TMEM132D: variants seen among roughly 807,000 people sequenced by gnomAD.
TMEM132D encodes the protein mature OL transmembrane protein.
Under a neutral mutation model 62.3 loss-of-function variants are expected in TMEM132D, and 21 were observed. The observed-to-expected ratio is 0.34, with a 90% CI of 0.24 to 0.49. The LOEUF (loss-of-function observed/expected upper bound fraction) is 0.49, where lower values mean the gene tolerates loss of function less well. TMEM132D is among the 20% of genes least tolerant of loss of function. The probability of loss-of-function intolerance (pLI) is 0.99; values close to 1 mark genes in which losing one functional copy is unlikely to be tolerated. For missense variants in TMEM132D, 1,346 were observed against 1,402.8 expected, an observed-to-expected ratio of 0.96 and a Z score of 0.65; for synonymous variants, 621 against 575.6, an observed-to-expected ratio of 1.08 and a Z score of -1.13.
At chr12:129,423,384 T>C (rs1007675172) in intron 3 of TMEM132D, among the ~76,000 whole-genome samples, 6 of 152,164 alleles carry the variant, frequency 3.9e-5, no homozygotes, top group Non-Finnish European at 8.8e-5. Flanking sequence ...TGCACTGCCT[T>C]GTCAGAGGAA....
intron 1 of TMEM132D, among the ~76,000 whole-genome samples, chr12:129,710,300 A>G (rs1828424): frequency 0.28 from 42,148 of 151,610 alleles, 7,028 homozygotes; most frequent in Non-Finnish European, 0.38. Context: ...TTATTTATTT[A>G]TTTATTTATT....
chr12:129,559,620 C>T (rs1877158924), intron 2 of TMEM132D, among the ~76,000 whole-genome samples: 3 of 152,116 alleles, frequency 2.0e-5, no homozygotes, highest in Non-Finnish European at 4.4e-5. Flanking sequence ...AATTTCATTC[C>T]TCTTCATCTA....
At chr12:129,630,906 G>A (rs1879331384) in intron 2 of TMEM132D, among the ~76,000 whole-genome samples, 2 of 151,964 alleles carry the variant, frequency 1.3e-5, no homozygotes, top group South Asian at 4.2e-4. Flanking sequence ...CCCTCTTTGT[G>A]TCCATGAGTC....
intron 3 of TMEM132D, among the ~76,000 whole-genome samples, chr12:129,366,327 C>T (rs1870412685): frequency 6.6e-6 from 1 of 152,176 alleles, no homozygotes; most frequent in African/African-American, 2.4e-5. Context: ...GAACCATCCC[C>T]TTGGCACTGT....
chr12:129,321,236 T>C (rs1361898573), intron 4 of TMEM132D, among the ~76,000 whole-genome samples: 1 of 152,198 alleles, frequency 6.6e-6, no homozygotes, highest in African/African-American at 2.4e-5. Context: ...GGAAAATTCA[T>C]AGGCTGTTTT....
intron 3 of TMEM132D, among the ~76,000 whole-genome samples, chr12:129,460,732 T>C (rs1403812990): frequency 6.6e-6 from 1 of 152,214 alleles, no homozygotes; most frequent in Non-Finnish European, 1.5e-5. Context: ...CAGAGTGCTA[T>C]ATATGACATG....
chr12:129,366,956 G>A (rs1013448558), intron 3 of TMEM132D, among the ~76,000 whole-genome samples: 8 of 152,194 alleles, frequency 5.3e-5, no homozygotes, highest in Admixed American at 3.9e-4. Context: ...GCTCACAAAA[G>A]AGCTGCAGTC....
intron 3 of TMEM132D, among the ~76,000 whole-genome samples, chr12:129,441,200 A>G (rs981432049): frequency 6.6e-6 from 1 of 152,200 alleles, no homozygotes; most frequent in Non-Finnish European, 1.5e-5. Context: ...ACAACCTCTC[A>G]CCTGAGGTTT....
At chr12:129,847,436 C>A (rs1162813168) in intron 1 of TMEM132D, among the ~76,000 whole-genome samples, 1 of 152,184 alleles carries the variant, frequency 6.6e-6, no homozygotes, top group East Asian at 1.9e-4. Context: ...CAGGTTTTTA[C>A]CCTCAGTCTT....
chr12:129,245,182 C>A (rs1444435321), intron 4 of TMEM132D, among the ~76,000 whole-genome samples: 3 of 152,202 alleles, frequency 2.0e-5, no homozygotes, highest in Non-Finnish European at 2.9e-5. Context: ...AACAGTCTCA[C>A]TGCCGTAAAA....
At chr12:129,647,243 G>GTTTTTTTTT (rs57450911) in intron 2 of TMEM132D, among the ~76,000 whole-genome samples, 6 of 117,584 alleles carry the variant, frequency 5.1e-5, no homozygotes, top group South Asian at 2.9e-4. Flanking sequence ...TTGTTTTTCT[G>GTTTTTTTTT]TTTTTTTTTT....
intron 5 of TMEM132D, among the ~76,000 whole-genome samples, chr12:129,168,783 G>A (rs1030538547): frequency 2.0e-5 from 3 of 152,268 alleles, no homozygotes; most frequent in African/African-American, 7.2e-5. Context: ...GAACCCAAAA[G>A]GTATCCAGAT....
intron 2 of TMEM132D, among the ~76,000 whole-genome samples, chr12:129,694,156 G>T (rs1881137263): frequency 6.6e-6 from 1 of 152,190 alleles, no homozygotes; most frequent in Non-Finnish European, 1.5e-5. Context: ...GCAAGAACTG[G>T]GGTCTCACAG....
At chr12:129,735,124 C>A (rs1869383371) in intron 1 of TMEM132D, among the ~76,000 whole-genome samples, 1 of 152,168 alleles carries the variant, frequency 6.6e-6, no homozygotes, top group Non-Finnish European at 1.5e-5. Flanking sequence ...TTCAGAGCAA[C>A]TGTTTGGACA....
chr12:129,609,651 T>C (rs1376573902), intron 2 of TMEM132D, among the ~76,000 whole-genome samples: 2 of 152,112 alleles, frequency 1.3e-5, no homozygotes, highest in East Asian at 1.9e-4. Flanking sequence ...ACTACGTTGT[T>C]CATGCTCTGG....
intron 3 of TMEM132D, among the ~76,000 whole-genome samples, chr12:129,501,749 G>A (rs756460209): frequency 5.9e-5 from 9 of 152,024 alleles, no homozygotes; most frequent in African/African-American, 9.6e-5. Flanking sequence ...TACCCAATCC[G>A]CTCACCTCGG....
intron 3 of TMEM132D, among the ~76,000 whole-genome samples, chr12:129,513,566 G>C (rs970414630): frequency 6.6e-6 from 1 of 151,818 alleles, no homozygotes; most frequent in Non-Finnish European, 1.5e-5. Flanking sequence ...CTCACTGCAA[G>C]CTTCGCCTCC....
chr12:129,842,362 G>C (rs1037102049), intron 1 of TMEM132D, among the ~76,000 whole-genome samples: 3 of 152,074 alleles, frequency 2.0e-5, no homozygotes, highest in African/African-American at 4.8e-5. Context: ...TTTAAACGCT[G>C]GCATTCAATA....
At chr12:129,445,288 C>A (rs866239176) in intron 3 of TMEM132D, among the ~76,000 whole-genome samples, 42 of 152,126 alleles carry the variant, frequency 2.8e-4, no homozygotes, top group African/African-American at 9.4e-4. Flanking sequence ...AAGAGGGGAA[C>A]AACACGCTGG....
Sources: gnomAD v4.1 joint callset for allele counts (sites outside exome capture counted in the v4.1 genomes callset) on GRCh38, gnomAD v4.1.1 for gene constraint, MANE v1.5 for transcripts, NCBI Gene and HGNC (gene_info 2026-07-23, HGNC 2026-07-21) for gene names.